KIF2C: variants seen among roughly 807,000 people sequenced by gnomAD.
KIF2C encodes the protein kinesin family member 2C, also known as kinesin-like protein KIF2C.
Under a neutral mutation model 97.4 loss-of-function variants are expected in KIF2C, and 34 were observed. The ratio of observed to expected loss-of-function variants is 0.35; its 90% CI spans 0.27 to 0.46. The LOEUF is 0.46. KIF2C is among the 20% of genes least tolerant of loss of function. The probability of loss-of-function intolerance (pLI) is 1.00; values close to 1 mark genes in which losing one functional copy is unlikely to be tolerated. For synonymous variants in KIF2C, 313 were observed against 318.2 expected (o/e 0.98, Z 0.17); for missense variants, 750 against 907.6 (o/e 0.83, Z 2.23).
intron 19 of KIF2C, among the ~76,000 whole-genome samples, chr1:44,765,552 G>A (rs1259679242): frequency 2.0e-5 from 3 of 152,000 alleles, no homozygotes; most frequent in South Asian, 2.1e-4. Flanking sequence ...AAAGTCACTC[G>A]GGCTGGGCGC....
intron 1 of KIF2C, among the ~76,000 whole-genome samples, chr1:44,740,342 C>A (rs980912646): frequency 2.0e-5 from 3 of 152,180 alleles, no homozygotes; most frequent in South Asian, 2.1e-4. Flanking sequence ...GGTCTCCTGG[C>A]CCCTTTACTC....
intron 2 of KIF2C, among the ~76,000 whole-genome samples, chr1:44,745,998 TC>T (rs1368106340): frequency 1.3e-5 from 2 of 152,096 alleles, no homozygotes; most frequent in Non-Finnish European, 2.9e-5. Context: ...TGCCTCAGGC[TC>T]CTGAGTAGCT....
chr1:44,746,807 T>G, intron 2 of KIF2C: 14 of 1,559,320 alleles, frequency 9.0e-6, no homozygotes, highest in Non-Finnish European at 1.2e-5. Context: ...CTATTCATAC[T>G]TAGTGGAACT....
At chr1:44,753,345 G>C in intron 6 of KIF2C, 91 bp downstream of exon 6, 1 of 1,424,642 alleles carries the variant, frequency 7.0e-7, no homozygotes, top group Non-Finnish European at 9.4e-7. Flanking sequence ...TGGCACCTGA[G>C]TTCAAGCCCT....
Position 44,760,818 on chromosome 1 carries a change from C to T in KIF2C, c.1683+116C>T. On this transcript the variant is annotated intron_variant, in intron 16 of 20. Coordinates refer to ENST00000372224, the MANE Select transcript of KIF2C (RefSeq NM_006845.4). This position sits in a 1 kb window ranked among gnomAD's most constrained non-coding sequence, Gnocchi z 4.2. ...CAGCACTGCTGGCTGCCTGGGTTTC[C>T]AGGCTGTACCGTGACTGGGCTTCCA... The T allele has an allele frequency of 5.0e-6, 4 of 801,062 alleles. No individual in the cohort carries two copies. Among genetic ancestry groups the T allele is most frequent in the Middle Eastern group, 2.5e-4 (1 of 4,058 alleles). 49.6% of individuals were successfully genotyped at this position (801,062 alleles called of 1,614,324 possible).
intron 6 of KIF2C, 127 bp downstream of exon 6, chr1:44,753,381 C>T: frequency 9.5e-7 from 1 of 1,053,928 alleles, no homozygotes. Flanking sequence ...GCATGTTTTC[C>T]TCTGGCCATG....
chr1:44,765,677 T>TA (rs571820993), intron 19 of KIF2C, among the ~76,000 whole-genome samples: 5 of 151,852 alleles, frequency 3.3e-5, no homozygotes, highest in Non-Finnish European at 1.5e-5. Context: ...TACTAAAAAA[T>TA]AAAAAAAAAT....
chr1:44,746,714 C>T (rs200352761), intron 2 of KIF2C: 93 of 1,609,010 alleles, frequency 5.8e-5, no homozygotes, highest in African/African-American at 1.2e-4. Flanking sequence ...TCATCACTGA[C>T]GTCTACCATT....
intron 14 of KIF2C, among the ~76,000 whole-genome samples, chr1:44,759,939 C>T (rs1356484533): frequency 6.6e-6 from 1 of 152,202 alleles, no homozygotes; most frequent in South Asian, 2.1e-4. Flanking sequence ...CTGCCCTCTA[C>T]AGGGTCCTCA....
rs1373127983 is a variant in KIF2C at position 44,747,320 on chromosome 1, AAAG to A, written c.166-61_166-59del. 10 of 1,413,186 alleles carry A rather than the reference AAAG, an allele frequency of 7.1e-6. No homozygotes were observed. In the African/African-American group the frequency reaches 7.3e-5, roughly 10 times the overall value. The allele number at this position is 1,413,186 out of a possible 1,614,324, so 87.5% of individuals were successfully genotyped here. ...GATACTCTGTCTCAAAAAAAAAAAAAAAGAAAAAATGTATTTGGATTGAACAAT... is the reference window on the plus strand; with the variant it reads ...GATACTCTGTCTCAAAAAAAAAAAAAAAAAAATGTATTTGGATTGAACAAT... On this transcript the variant is annotated intron_variant, in intron 2 of 20. Transcript: ENST00000372224.
chr1:44,747,298 ACT>A (rs1028839775), intron 2 of KIF2C, 84 bp from the exon 3 acceptor site: 2 of 1,102,154 alleles, frequency 1.8e-6, no homozygotes, highest in Admixed American at 4.5e-5. Context: ...ACAGAGCGAT[ACT>A]CTGTCTCAAA....
chr1:44,744,568 T>TC (rs1290215133), intron 2 of KIF2C, among the ~76,000 whole-genome samples: 1 of 152,204 alleles, frequency 6.6e-6, no homozygotes, highest in Admixed American at 6.6e-5. Flanking sequence ...CCCTGAATTA[T>TC]CAACATGAGA....
At chr1:44,748,490 G>A (rs913421937) in intron 4 of KIF2C, among the ~76,000 whole-genome samples, 6 of 152,124 alleles carry the variant, frequency 3.9e-5, no homozygotes, top group Middle Eastern at 3.2e-3. Context: ...GTTGGGACTC[G>A]CAGCAGTCCC....
At chr1:44,755,893 C>G in intron 8 of KIF2C, 36 bp from the exon 9 acceptor site, 1 of 1,608,876 alleles carries the variant, frequency 6.2e-7, no homozygotes. Flanking sequence ...TGCTCTGACC[C>G]TTTGCTGTTG....
At chr1:44,758,401 G>T (rs1020802947) in intron 13 of KIF2C, among the ~76,000 whole-genome samples, 1 of 151,966 alleles carries the variant, frequency 6.6e-6, no homozygotes, top group East Asian at 1.9e-4. Flanking sequence ...GACCTCCCTC[G>T]GCCGACCTCC....
chr1:44,754,833 T>C lies in KIF2C; in HGVS notation c.747T>C (p.Thr249=), dbSNP rs762443341. 6.3e-7 allele frequency: 1 copy of C among 1,598,002 alleles called. No homozygotes were observed. The highest frequency in any genetic ancestry group is 1.7e-5 in the Admixed American group (1 of 59,994). The change falls in exon 8 of 21, where the codon ACT becomes ACC. Residue 249 remains threonine, a synonymous_variant. Coordinates refer to ENST00000372224, the MANE Select transcript of KIF2C (RefSeq NM_006845.4). ...CTACTTTGGAATGTCATCCACTTAC[T>C]ATGACTGATCCTGTAAGTACATCCA... ...FRATLECHPL[T]MTDPIEEHRI... is the part of the protein sequence containing the mutation.
Position 44,758,093 on chromosome 1 carries a change from T to C in KIF2C, c.1177T>C (p.Leu393=), listed in dbSNP as rs1557598069. ...LLKNQPCYRK[L]GLEVYVTFFE... is the part of the protein sequence containing the mutation. ...GAAGAATCAACCCTGCTACCGGAAG[T>C]TGGGCCTGGAAGTCTATGTGACATT... is the stretch of plus-strand genomic sequence containing the variant. Residue 393 remains leucine (L), a synonymous_variant, in exon 13 of 21, where the codon TTG becomes CTG. Coordinates refer to ENST00000372224, the MANE Select transcript of KIF2C (RefSeq NM_006845.4). 6.2e-7 allele frequency: 1 copy of C among 1,614,132 alleles called. No homozygotes were observed. Among genetic ancestry groups the C allele is most frequent in the East Asian group, 2.2e-5 (1 of 44,884 alleles).
At chr1:44,766,438 C>T (rs1171692475) in intron 19 of KIF2C, among the ~76,000 whole-genome samples, 1 of 151,632 alleles carries the variant, frequency 6.6e-6, no homozygotes, top group Non-Finnish European at 1.5e-5. Context: ...ATGGAGAAAC[C>T]CCGTCTCTAC....
chr1:44,766,628 A>G (rs894059111), intron 19 of KIF2C, among the ~76,000 whole-genome samples, 198 bp from the exon 20 acceptor site: 15 of 152,086 alleles, frequency 9.9e-5, no homozygotes, highest in African/African-American at 3.4e-4. Flanking sequence ...AACAAAGAAA[A>G]CGAAAAAAAC....
Sources: allele counts gnomAD v4.1 joint callset (sites outside exome capture counted in the v4.1 genomes callset), GRCh38; gene constraint gnomAD v4.1.1; non-coding constraint Gnocchi (gnomAD v3.1); transcripts MANE v1.5; gene names NCBI Gene and HGNC (gene_info 2026-07-23, HGNC 2026-07-21).